The following LMNA variants were observed in gnomAD, a reference collection of about 807,000 sequenced individuals.
The protein encoded by LMNA is lamin A/C.
A neutral mutation model predicts 70.4 loss-of-function variants in LMNA; 20 were observed. The observed-to-expected ratio is 0.28, with a 90% CI of 0.20 to 0.41. LMNA has a LOEUF of 0.41. Among genes scored for constraint, LMNA ranks in the 10% least tolerant of loss-of-function variants. The pLI, the probability that LMNA is intolerant of heterozygous loss-of-function variation, is 1.00. For missense variants in LMNA, 652 were observed against 917.2 expected, an observed-to-expected ratio of 0.71 and a Z score of 3.73; for synonymous variants, 339 against 372.8, an observed-to-expected ratio of 0.91 and a Z score of 1.04.
intron 1 of LMNA, chr1:156,129,869 A>G (rs757854357): frequency 1.0e-5 from 8 of 770,886 alleles, no homozygotes; most frequent in Non-Finnish European, 1.7e-5. Context: ...GAGGCCTGGG[A>G]TCCACATCTG....
Position 156,135,776 on chromosome 1 carries a change from T to C in LMNA, c.937-125T>C. The C allele has an allele frequency of 1.3e-6, 1 of 786,956 alleles. No homozygotes were observed. Among genetic ancestry groups the C allele is most frequent in the Non-Finnish European group, 2.1e-6 (1 of 472,114 alleles). 48.7% of individuals were successfully genotyped at this position (786,956 alleles called of 1,614,324 possible). On this transcript the variant is annotated intron_variant, in intron 5 of 11. Coordinates refer to ENST00000368300, the MANE Select transcript of LMNA (RefSeq NM_170707.4). This position sits in a 1 kb window ranked among gnomAD's most constrained non-coding sequence, Gnocchi z 4.8. ...GTTCAGAGCTGGCTCTGATGAGGGC[T>C]CTGGGGAAGCTCTGATTGCAGATCC...
chr1:156,129,877 C>T (rs779495068), intron 1 of LMNA: 1 of 770,950 alleles, frequency 1.3e-6, no homozygotes, highest in Non-Finnish European at 2.4e-6. Context: ...GGATCCACAT[C>T]TGGAACCAGA....
Position 156,134,570 on chromosome 1 carries a change from G to A in LMNA, c.639+42G>A. 6.2e-7 allele frequency: 1 copy of A among 1,612,624 alleles called. No homozygotes were observed. The highest frequency in any genetic ancestry group is 8.5e-7 in the Non-Finnish European group (1 of 1,179,820). ...GCAAGCCAGAGGGCTGGGGCTGGGT[G>A]ATGACAGACTTGGGCTGGGCTAGGG... On this transcript the variant is annotated intron_variant, in intron 3 of 11. Coordinates refer to ENST00000368300, the MANE Select transcript of LMNA (RefSeq NM_170707.4). This position sits in a 1 kb window ranked among gnomAD's most constrained non-coding sequence, Gnocchi z 5.3.
chr1:156,083,907 G>A (rs1648371900), intron 2 of LMNA, among the ~76,000 whole-genome samples: 1 of 152,226 alleles, frequency 6.6e-6, no homozygotes, highest in Admixed American at 6.5e-5. Context: ...AGAGTTTCAG[G>A]AAGGTGGAGT....
At chr1:156,110,625 A>T (rs1378296099), upstream of LMNA, among the ~76,000 whole-genome samples, 1 of 150,482 alleles carries the variant, frequency 6.6e-6, no homozygotes, top group Non-Finnish European at 1.5e-5. Flanking sequence ...TGGGAGGATC[A>T]CTTGACTCCA....
At chr1:156,092,890 C>CTT (rs568056544) in intron 3 of LMNA, among the ~76,000 whole-genome samples, 32 of 135,640 alleles carry the variant, frequency 2.4e-4, no homozygotes, top group African/African-American at 5.1e-4. Context: ...TTCTTTTTTT[C>CTT]TTTTTTTTTT....
intron 1 of LMNA, chr1:156,126,609 C>A: frequency 1.0e-6 from 1 of 974,992 alleles, no homozygotes; most frequent in Non-Finnish European, 1.6e-6. Flanking sequence ...CTTCCTTGTC[C>A]CACCAGGCAC....
Position 156,135,186 on chromosome 1 carries a change from G to C in LMNA, c.811-1G>C, listed in dbSNP as rs1365042239. 6.2e-7 allele frequency: 1 copy of C among 1,614,044 alleles called. No homozygotes were observed. Among genetic ancestry groups the C allele is most frequent in the Non-Finnish European group, 8.5e-7 (1 of 1,180,022 alleles). On this transcript the variant is annotated splice_acceptor_variant, in intron 4 of 11. Transcript: ENST00000368300. LOFTEE classifies it high-confidence loss of function. This position sits in a 1 kb window ranked among gnomAD's most constrained non-coding sequence, Gnocchi z 4.8. The stretch of plus-strand genomic sequence containing the variant: ...TCCTAACCCTTTGTCCTCCCCTCCA[G>C]CTGGACAATGCCAGGCAGTCTGCTG...
At chr1:156,124,579 G>A (rs1217575364) in intron 1 of LMNA, among the ~76,000 whole-genome samples, 1 of 152,080 alleles carries the variant, frequency 6.6e-6, no homozygotes, top group Non-Finnish European at 1.5e-5. Context: ...GAGCCACTGC[G>A]CCCAGCCTCA....
intron 2 of LMNA, among the ~76,000 whole-genome samples, chr1:156,085,228 C>T (rs1572306046): frequency 6.6e-6 from 1 of 152,308 alleles, no homozygotes; most frequent in East Asian, 1.9e-4. Context: ...TAGGAGAGTG[C>T]CCAGGTGCAG....
At chr1:156,114,661 T>A, upstream of LMNA, 14 of 210,008 alleles carry the variant, frequency 6.7e-5, no homozygotes, top group East Asian at 1.2e-4. Flanking sequence ...TGGCCCCTCC[T>A]CCCTTCAGAG....
intron 1 of LMNA, among the ~76,000 whole-genome samples, chr1:156,127,205 G>A (rs1650661767): frequency 6.6e-6 from 1 of 152,282 alleles, no homozygotes; most frequent in East Asian, 1.9e-4. Context: ...ACTTGGGGGC[G>A]GGGGCAGGGA....
At chr1:156,083,107 C>G (rs554130001) in exon 2 of LMNA, 1 of 152,526 alleles carries the variant, frequency 6.6e-6, no homozygotes, top group South Asian at 2.1e-4. Context: ...GTCCCCTCAT[C>G]CCTAAACAGC....
chr1:156,132,456 C>G (rs1015237578), intron 2 of LMNA, among the ~76,000 whole-genome samples: 1 of 151,672 alleles, frequency 6.6e-6, no homozygotes, highest in Non-Finnish European at 1.5e-5. Context: ...GGCAACAGAG[C>G]GAGACTCCAT....
Position 156,139,303 on chromosome 1 carries a change from C to CAA in LMNA, c.*210_*211dup, listed in dbSNP as rs200317083. ...TTTTATACTGAAGGAAAAACACAAG[C>CAA]AAAAAAAAAAAAAAGCATCTATCTC... On this transcript the variant is annotated 3_prime_UTR_variant, in exon 12 of 12. Coordinates refer to ENST00000368300, the MANE Select transcript of LMNA (RefSeq NM_170707.4). 3.4e-4 allele frequency: 436 copies of CAA among 1,271,002 alleles called. No homozygotes were observed. The highest frequency in any genetic ancestry group is 1.1e-3 in the African/African-American group (65 of 60,682). 78.7% of individuals were successfully genotyped at this position (1,271,002 alleles called of 1,614,324 possible). A position where few individuals can be genotyped will look rare whatever the true frequency, so the allele number is the denominator to read the frequency against.
chr1:156,115,984 C>T lies in LMNA; in HGVS notation c.356+710C>T, dbSNP rs1649800645. ...AAAAGAGCTCCGGGAGATGAGAGATCGGCTCCCCCGCAGCTCCCACAGCCC... is the reference window on the plus strand; with the variant it reads ...AAAAGAGCTCCGGGAGATGAGAGATTGGCTCCCCCGCAGCTCCCACAGCCC... On this transcript the variant is annotated intron_variant, in intron 1 of 11. Transcript: ENST00000368300. The surrounding 1 kb of genome is among the most constrained non-coding windows in gnomAD (Gnocchi z 5.8). Among the ~76,000 whole-genome samples the T allele has an allele frequency of 2.0e-5, 3 of 152,154 alleles. No homozygotes were observed. The South Asian group carries it at 6.2e-4, about 32-fold the overall frequency.
At chr1:156,101,647 G>A (rs1314862713) in intron 3 of LMNA, among the ~76,000 whole-genome samples, 1 of 133,534 alleles carries the variant, frequency 7.5e-6, no homozygotes, top group African/African-American at 2.8e-5. Context: ...AGGGAGGGAG[G>A]GAGGGAGGGA....
intron 2 of LMNA, among the ~76,000 whole-genome samples, chr1:156,084,849 T>C (rs540725771): frequency 6.6e-6 from 1 of 152,296 alleles, no homozygotes; most frequent in South Asian, 2.1e-4. Flanking sequence ...TCCTCCTCAC[T>C]AAGCTAATTA....
intron 1 of LMNA, chr1:156,082,842 G>A (rs1407077383): frequency 1.3e-5 from 2 of 152,264 alleles, no homozygotes; most frequent in African/African-American, 4.8e-5. Flanking sequence ...GCCGGGGGCG[G>A]GGAGCCGGGA....
Sources: gnomAD v4.1 joint callset for allele counts (sites outside exome capture counted in the v4.1 genomes callset) on GRCh38, gnomAD v4.1.1 for gene constraint, Gnocchi (gnomAD v3.1) non-coding constraint, MANE v1.5 for transcripts, NCBI Gene and HGNC (gene_info 2026-07-23, HGNC 2026-07-21) for gene names.